Variants in DLG2 observed in about 807,000 individuals in gnomAD.
DLG2 encodes the protein disks large homolog 2.
DLG2 carries 45 observed loss-of-function variants against 132.5 expected under a neutral mutation model. The observed-to-expected ratio is 0.34, with a 90% CI of 0.27 to 0.44. The LOEUF (loss-of-function observed/expected upper bound fraction) is 0.44. DLG2 is among the 20% of genes least tolerant of loss of function. DLG2 has a pLI of 1.00. For synonymous variants in DLG2, 424 were observed against 419.6 expected, an observed-to-expected ratio of 1.01 and a Z score of -0.13; for missense variants, 1,045 against 1,196.9, an observed-to-expected ratio of 0.87 and a Z score of 1.87.
At chr11:85,117,406 C>T (rs2073765341) in intron 5 of DLG2, among the ~76,000 whole-genome samples, 1 of 151,976 alleles carries the variant, frequency 6.6e-6, no homozygotes. Context: ...AAGTAAAGCA[C>T]TTAAAACTAT....
chr11:84,224,794 C>T (rs373863311), intron 8 of DLG2, among the ~76,000 whole-genome samples: 4 of 152,188 alleles, frequency 2.6e-5, no homozygotes, highest in African/African-American at 4.8e-5. Context: ...TCTAATCTTA[C>T]GGATCTTATT....
chr11:84,362,790 G>C (rs1400330044), intron 7 of DLG2, among the ~76,000 whole-genome samples: 1 of 152,042 alleles, frequency 6.6e-6, no homozygotes, highest in Non-Finnish European at 1.5e-5. Context: ...ATAGTTTACT[G>C]AGAATGATGA....
intron 21 of DLG2, among the ~76,000 whole-genome samples, chr11:83,488,152 T>C (rs534207328): frequency 1.3e-5 from 2 of 152,120 alleles, no homozygotes; most frequent in South Asian, 2.1e-4. Context: ...GAAGAAACAA[T>C]TGTAGCCGGT....
intron 11 of DLG2, among the ~76,000 whole-genome samples, chr11:84,035,278 T>C (rs1482598915): frequency 6.6e-6 from 1 of 152,136 alleles, no homozygotes; most frequent in African/African-American, 2.4e-5. Context: ...GAGAGCTGCT[T>C]TGATTAAGTT....
At chr11:84,058,666 AAC>A (rs2096543951) in intron 11 of DLG2, among the ~76,000 whole-genome samples, 1 of 151,532 alleles carries the variant, frequency 6.6e-6, no homozygotes, top group African/African-American at 2.4e-5. Context: ...TAGCCTGGGC[AAC>A]AGAGTGAGAC....
At chr11:85,624,177 C>T (rs962969782) in intron 2 of DLG2, among the ~76,000 whole-genome samples, 1 of 152,040 alleles carries the variant, frequency 6.6e-6, no homozygotes, top group Non-Finnish European at 1.5e-5. Flanking sequence ...ATAAAGCAAA[C>T]GAGCAGTTAA....
At chr11:84,631,822 C>T (rs2099632685) in intron 6 of DLG2, among the ~76,000 whole-genome samples, 1 of 152,132 alleles carries the variant, frequency 6.6e-6, no homozygotes, top group Non-Finnish European at 1.5e-5. Flanking sequence ...AGGAGACAGA[C>T]CTAGGCACAA....
At chr11:84,078,733 C>G (rs1013714359) in intron 10 of DLG2, among the ~76,000 whole-genome samples, 1 of 152,174 alleles carries the variant, frequency 6.6e-6, no homozygotes, top group African/African-American at 2.4e-5. Flanking sequence ...TCTGAAATAT[C>G]TCAGGACTAA....
intron 11 of DLG2, among the ~76,000 whole-genome samples, chr11:84,052,889 T>C (rs1197873930): frequency 2.0e-5 from 3 of 152,050 alleles, no homozygotes; most frequent in Non-Finnish European, 4.4e-5. Flanking sequence ...AGATGTACCA[T>C]TTGACTCAGC....
chr11:84,866,699 A>G (rs765912067), intron 6 of DLG2, among the ~76,000 whole-genome samples: 9 of 152,216 alleles, frequency 5.9e-5, no homozygotes, highest in Non-Finnish European at 1.0e-4. Flanking sequence ...GATTATAATA[A>G]CTGAAGACAC....
intron 21 of DLG2, among the ~76,000 whole-genome samples, chr11:83,503,366 CATTTATATATAT>C (rs2094529505): frequency 2.1e-5 from 1 of 47,066 alleles, no homozygotes; most frequent in East Asian, 7.7e-4. Context: ...CACACACACC[CATTTATATATAT>C]ATATATATAT....
At chr11:84,582,212 A>G (rs1402045966) in intron 6 of DLG2, among the ~76,000 whole-genome samples, 1 of 151,582 alleles carries the variant, frequency 6.6e-6, no homozygotes, top group African/African-American at 2.4e-5. Context: ...AAGGCAAGGT[A>G]ATAAAAATTA....
chr11:85,130,488 A>G (rs560016280), intron 5 of DLG2, among the ~76,000 whole-genome samples: 1 of 152,280 alleles, frequency 6.6e-6, no homozygotes, highest in African/African-American at 2.4e-5. Flanking sequence ...ACCAATGGAA[A>G]TATTTCTGTT....
intron 6 of DLG2, among the ~76,000 whole-genome samples, chr11:85,104,404 C>T (rs922421920): frequency 1.3e-5 from 2 of 151,754 alleles, no homozygotes; most frequent in Admixed American, 1.3e-4. Context: ...ATGGATGGTA[C>T]AACATGGACG....
chr11:84,792,708 T>G (rs1028106400), intron 6 of DLG2, among the ~76,000 whole-genome samples: 1 of 152,126 alleles, frequency 6.6e-6, no homozygotes, highest in Non-Finnish European at 1.5e-5. Flanking sequence ...TTTATTGACA[T>G]ATAGTTGCTC....
chr11:85,360,600 G>T (rs775420971), intron 3 of DLG2, among the ~76,000 whole-genome samples: 5 of 152,166 alleles, frequency 3.3e-5, no homozygotes, highest in Admixed American at 6.5e-5. Flanking sequence ...AGTTTGGTCT[G>T]ATCTTCTCCG....
intron 6 of DLG2, among the ~76,000 whole-genome samples, chr11:84,625,516 G>T (rs1446156860): frequency 2.0e-5 from 3 of 152,310 alleles, no homozygotes; most frequent in East Asian, 3.9e-4. Flanking sequence ...GCATCTGCTT[G>T]TAACTTCCAG....
rs146721145 is a variant in DLG2 at position 85,535,352 on chromosome 11, T to C, written c.40+63305A>G. Among the ~76,000 whole-genome samples, 630 of 152,192 alleles carry C rather than the reference T, an allele frequency of 4.1e-3. 8 individuals carry two copies. Among genetic ancestry groups the C allele is most frequent in the African/African-American group, 0.013 (549 of 41,566 alleles). ...TTCCATAAAGATTATACCAATTTGATAGGTCATTGGATGGGGTCAAAATAA... is the reference window on the plus strand; with the variant it reads ...TTCCATAAAGATTATACCAATTTGACAGGTCATTGGATGGGGTCAAAATAA... On this transcript the variant is annotated intron_variant, in intron 3 of 27. Coordinates refer to ENST00000376104, the MANE Select transcript of DLG2 (RefSeq NM_001142699.3).
chr11:83,820,456 T>C (rs1183458318), intron 17 of DLG2, among the ~76,000 whole-genome samples: 1 of 152,170 alleles, frequency 6.6e-6, no homozygotes, highest in South Asian at 2.1e-4. Flanking sequence ...CCAATTATTA[T>C]CAATGCTATC....
Sources: gnomAD v4.1 joint callset for allele counts (sites outside exome capture counted in the v4.1 genomes callset) on GRCh38, gnomAD v4.1.1 for gene constraint, MANE v1.5 for transcripts, NCBI Gene and HGNC (gene_info 2026-07-23, HGNC 2026-07-21) for gene names.